Variants in TUB observed in about 807,000 individuals in gnomAD.
TUB encodes tubby protein homolog.
Under a neutral mutation model 59.7 loss-of-function variants are expected in TUB, and 33 were observed. That is an observed-to-expected ratio of 0.55 (90% CI 0.42 to 0.74). TUB has a LOEUF of 0.74. Among genes scored for constraint, TUB ranks in the 30% least tolerant of loss-of-function variants. The pLI is 0.00. For synonymous variants in TUB, 293 were observed against 256.4 expected (o/e 1.14, Z -1.36); for missense variants, 659 against 672.0 (o/e 0.98, Z 0.21).
intron 2 of TUB, among the ~76,000 whole-genome samples, chr11:8,067,035 G>A (rs537969358): frequency 5.9e-4 from 89 of 152,008 alleles, no homozygotes; most frequent in Non-Finnish European, 1.1e-3. Flanking sequence ...TGCCCCTCCC[G>A]CTCCAGGCAG....
chr11:8,073,191 A>C (rs563308509), intron 2 of TUB, among the ~76,000 whole-genome samples: 1 of 152,306 alleles, frequency 6.6e-6, no homozygotes, highest in South Asian at 2.1e-4. Flanking sequence ...CCAATCCCAT[A>C]GCACCACCTT....
chr11:8,034,903 A>G (rs193117116), upstream of TUB, among the ~76,000 whole-genome samples: 3 of 152,230 alleles, frequency 2.0e-5, no homozygotes, highest in African/African-American at 7.2e-5. Flanking sequence ...AGCAATATTC[A>G]TGTTGCAGTC....
exon 1 of TUB, chr11:8,038,890 C>T: frequency 4.3e-6 from 7 of 1,614,080 alleles, no homozygotes; most frequent in Non-Finnish European, 5.1e-6. Context: ...GCCAGGACAC[C>T]TTTGCCTTCT....
At chr11:8,091,811 C>T (rs1023581741) in intron 3 of TUB, among the ~76,000 whole-genome samples, 2 of 152,202 alleles carry the variant, frequency 1.3e-5, no homozygotes, top group Non-Finnish European at 2.9e-5. Flanking sequence ...AGCTCCTCCA[C>T]TTCCTTTGTG....
Position 8,054,000 on chromosome 11 carries a change from A to G in TUB, c.203+14308A>G, listed in dbSNP as rs1333541983. Reference sequence around the variant, plus strand: ...ACGTGGTGGCGGGCCCTGTAGTCCCAGCTACTCGGGAGGCTGAGGCAGGAG... The same window carrying G: ...ACGTGGTGGCGGGCCCTGTAGTCCCGGCTACTCGGGAGGCTGAGGCAGGAG... On this transcript the variant is annotated intron_variant, in intron 2 of 12. Coordinates refer to the TUB transcript ENST00000305253. 2.0e-5 allele frequency among the ~76,000 whole-genome samples: 3 copies of G among 151,730 alleles called. No individual in the cohort carries two copies. The East Asian group carries it at 6.0e-4, about 30-fold the overall frequency.
chr11:8,046,465 G>A (rs775901930), intron 2 of TUB, among the ~76,000 whole-genome samples: 2 of 152,000 alleles, frequency 1.3e-5, no homozygotes, highest in African/African-American at 2.4e-5. Flanking sequence ...CCTGTCCCTC[G>A]TCTTCTATTT....
chr11:8,021,785 G>A (rs1276347089), intron 1 of TUB, among the ~76,000 whole-genome samples: 5 of 151,726 alleles, frequency 3.3e-5, no homozygotes, highest in Non-Finnish European at 5.9e-5. Flanking sequence ...GCGTGGTGTC[G>A]GGCGCCTGTA....
exon 1 of TUB, chr11:8,019,328 C>G: frequency 7.8e-7 from 1 of 1,283,394 alleles, no homozygotes; most frequent in East Asian, 3.1e-5. Context: ...AGCCACCGGA[C>G]CCTGTCTTAC....
intron 2 of TUB, among the ~76,000 whole-genome samples, chr11:8,056,756 T>C (rs995632377): frequency 6.6e-5 from 10 of 151,766 alleles, no homozygotes; most frequent in Admixed American, 1.3e-4. Context: ...CTCTGAGTGG[T>C]ATATGGGGTG....
At chr11:8,041,899 C>A (rs1486745016) in intron 2 of TUB, among the ~76,000 whole-genome samples, 1 of 152,132 alleles carries the variant, frequency 6.6e-6, no homozygotes, top group Non-Finnish European at 1.5e-5. Context: ...TCCAGCGAGC[C>A]CCCAGCAATG....
intron 5 of TUB, 115 bp downstream of exon 5, chr11:8,095,780 G>C: frequency 8.5e-7 from 1 of 1,178,150 alleles, no homozygotes; most frequent in Non-Finnish European, 1.2e-6. Flanking sequence ...GCAATGGTGG[G>C]TGAGGGTGGG....
At chr11:8,024,987 A>G (rs886959249) in intron 1 of TUB, among the ~76,000 whole-genome samples, 4 of 152,234 alleles carry the variant, frequency 2.6e-5, no homozygotes, top group Admixed American at 2.6e-4. Context: ...CAGCAAATAG[A>G]CAATAATAAT....
intron 1 of TUB, among the ~76,000 whole-genome samples, chr11:8,084,217 C>T (rs1046219420): frequency 6.6e-6 from 1 of 152,118 alleles, no homozygotes; most frequent in African/African-American, 2.4e-5. Context: ...CTTGCATTCC[C>T]TGGGCCCAGC....
chr11:8,105,399 G>T lies in TUB; in HGVS notation c.*3780G>T, dbSNP rs1294856733. 1.3e-5 allele frequency: 2 copies of T among 152,302 alleles called. No individual in the cohort carries two copies. Among genetic ancestry groups the T allele is most frequent in the East Asian group, 3.9e-4 (2 of 5,166 alleles). 9.4% of individuals were successfully genotyped at this position (152,302 alleles called of 1,614,324 possible). A position where few individuals can be genotyped will look rare whatever the true frequency, so the allele number is the denominator to read the frequency against. ...TAGTAGCCACCGGTAATAAGCCAAG[G>T]GCTAGGCTCTTGTTTGAGTTTATGG... is the stretch of plus-strand genomic sequence containing the variant. On this transcript the variant is annotated 3_prime_UTR_variant, in exon 12 of 12. Coordinates refer to ENST00000299506, the MANE Select transcript of TUB (RefSeq NM_177972.3).
In TUB at chr11:8,105,094, G is replaced by A. The variant is rs976145752; in HGVS notation, c.*3475G>A. 13 of 152,194 alleles carry A rather than the reference G, an allele frequency of 8.5e-5. No homozygotes were observed. The highest frequency in any genetic ancestry group is 2.7e-4 in the African/African-American group (11 of 41,432). 9.4% of individuals were successfully genotyped at this position (152,194 alleles called of 1,614,324 possible). On this transcript the variant is annotated 3_prime_UTR_variant, in exon 12 of 12. Transcript: ENST00000299506. The stretch of plus-strand genomic sequence containing the variant: ...AGTCTGCAGTGAGGGGAGATGCTGG[G>A]ATAGCCATTTCCATGGCTCTGTTAT...
intron 1 of TUB, among the ~76,000 whole-genome samples, chr11:8,021,931 A>G (rs1006111642): frequency 1.3e-5 from 2 of 151,882 alleles, no homozygotes; most frequent in South Asian, 2.1e-4. Flanking sequence ...AAAAAAAAAA[A>G]AGAAAATTAT....
At chr11:8,047,151 A>G (rs1274124785) in intron 2 of TUB, among the ~76,000 whole-genome samples, 2 of 152,074 alleles carry the variant, frequency 1.3e-5, no homozygotes, top group Non-Finnish European at 2.9e-5. Context: ...CCCCACTGCC[A>G]GCTGCACCAG....
chr11:8,038,859 C>A (rs1942691235), exon 1 of TUB: 1 of 1,613,144 alleles, frequency 6.2e-7, no homozygotes, highest in Non-Finnish European at 8.5e-7. Flanking sequence ...AAACCCACTC[C>A]ATCCTGTGGC....
chr11:8,038,870 C>G, exon 1 of TUB: 2 of 1,613,768 alleles, frequency 1.2e-6, no homozygotes, highest in Non-Finnish European at 1.7e-6. Flanking sequence ...ATCCTGTGGC[C>G]ACGATGGGGG....
Sources: gnomAD v4.1 joint callset for allele counts (sites outside exome capture counted in the v4.1 genomes callset) on GRCh38, gnomAD v4.1.1 for gene constraint, MANE v1.5 for transcripts, NCBI Gene and HGNC (gene_info 2026-07-23, HGNC 2026-07-21) for gene names.